Variants in RNF43 observed in about 807,000 individuals in gnomAD.
The protein encoded by RNF43 is ring finger protein 43, also known as E3 ubiquitin-protein ligase RNF43.
In RNF43, 37 loss-of-function variants were observed where a neutral mutation model predicts 78.4. That is an observed-to-expected ratio of 0.47 (90% confidence interval 0.36 to 0.62). The LOEUF (loss-of-function observed/expected upper bound fraction) is 0.62, where lower values mean the gene tolerates loss of function less well. Among genes scored for constraint, RNF43 ranks in the 20% least tolerant of loss-of-function variants. The pLI is 0.00. For missense variants in RNF43, 774 were observed against 1,007.9 expected (o/e 0.77, Z 3.14); for synonymous variants, 347 against 395.0 (o/e 0.88, Z 1.44).
At position 58,360,565 on chromosome 17, in the gene RNF43, G is replaced by A. The variant is rs1288012441; in HGVS notation, c.849+218C>T. Among the ~76,000 whole-genome samples, 1 of 152,212 alleles carries A rather than the reference G, an allele frequency of 6.6e-6. No homozygotes were observed. Among genetic ancestry groups the A allele is most frequent in the Non-Finnish European group, 1.5e-5 (1 of 68,036 alleles). ...TGCATCCAAAGCACCACTGCAGCCT[G>A]GCACGTGGTACACTCTCAACAAACA... On this transcript the variant is annotated intron_variant, in intron 7 of 9. Coordinates refer to ENST00000407977, the MANE Select transcript of RNF43 (RefSeq NM_017763.6). This position sits in a 1 kb window ranked among gnomAD's most constrained non-coding sequence, Gnocchi z 4.3.
chr17:58,389,853 C>A (rs1444633410), intron 2 of RNF43, among the ~76,000 whole-genome samples: 3 of 152,176 alleles, frequency 2.0e-5, no homozygotes, highest in African/African-American at 7.2e-5. Flanking sequence ...GAACAAACAA[C>A]AATGCTGGAC....
intron 3 of RNF43, among the ~76,000 whole-genome samples, chr17:58,370,582 T>C (rs1305298220): frequency 6.6e-6 from 1 of 152,162 alleles, no homozygotes; most frequent in East Asian, 1.9e-4. Flanking sequence ...TCAGTGTATG[T>C]TTCTAAAAGA....
chr17:58,356,868 G>T (rs1225606897), intron 9 of RNF43: 1 of 309,210 alleles, frequency 3.2e-6, no homozygotes, highest in East Asian at 6.9e-5. Flanking sequence ...ACTACCCCGG[G>T]GACCATTCCA....
chr17:58,370,977 G>C lies in RNF43; in HGVS notation c.309C>G (p.Phe103Leu), dbSNP rs2143515246. Residue 103 changes from phenylalanine to leucine, a missense_variant, in exon 3 of 10, where the codon TTC (phenylalanine) becomes TTG (leucine). Phe to Leu is a conservative substitution (Grantham distance 22). Transcript: ENST00000407977. ...GACTCTCCAGCTTGACGATGCTGAT[G>C]AATCCAGGCTCCAGATTGTCGTCAT... is the stretch of plus-strand genomic sequence containing the variant. ...ASDDDNLEPG[F>L]ISIVKLESPR... 6.2e-7 allele frequency: 1 copy of C among 1,611,952 alleles called. No individual in the cohort carries two copies. The highest frequency in any genetic ancestry group is 8.5e-7 in the Non-Finnish European group (1 of 1,178,754).
At chr17:58,371,623 C>T (rs1973099299) in intron 2 of RNF43, among the ~76,000 whole-genome samples, 2 of 152,240 alleles carry the variant, frequency 1.3e-5, no homozygotes, top group Admixed American at 1.3e-4. Flanking sequence ...TGCCTCTGCC[C>T]TGTACCCATC....
At chr17:58,378,229 G>A (rs895138824) in intron 2 of RNF43, among the ~76,000 whole-genome samples, 1 of 152,146 alleles carries the variant, frequency 6.6e-6, no homozygotes, top group African/African-American at 2.4e-5. Flanking sequence ...GGGAATTGTC[G>A]AGAGGAGTTT....
At chr17:58,386,431 C>G (rs1973436594) in intron 2 of RNF43, among the ~76,000 whole-genome samples, 1 of 152,034 alleles carries the variant, frequency 6.6e-6, no homozygotes. Context: ...TGTAAAAAAA[C>G]AAAACAAAAC....
At position 58,401,199 on chromosome 17, in the gene RNF43, T is replaced by A. The variant is rs1973792221; in HGVS notation, c.252+14127A>T. ...CAAATGATTCATGCTTATTAATAGA[T>A]CCTCATGAAAGTCTTGAAAACCAGG... On this transcript the variant is annotated intron_variant, in intron 2 of 9. Transcript: ENST00000407977. Among the ~76,000 whole-genome samples, 3 of 152,192 alleles carry A rather than the reference T, an allele frequency of 2.0e-5. No individual in the cohort carries two copies. In the South Asian group the frequency reaches 6.2e-4, roughly 32 times the overall value.
intron 2 of RNF43, among the ~76,000 whole-genome samples, chr17:58,396,594 C>T (rs912317877): frequency 1.3e-5 from 2 of 152,106 alleles, no homozygotes; most frequent in African/African-American, 2.4e-5. Context: ...TCTCAACAGG[C>T]AAAATTTCAA....
intron 2 of RNF43, among the ~76,000 whole-genome samples, chr17:58,400,999 T>C (rs948013174): frequency 7.9e-5 from 12 of 152,112 alleles, no homozygotes; most frequent in Non-Finnish European, 1.3e-4. Flanking sequence ...TAGGGTAACC[T>C]ACATTTCTGG....
Position 58,357,872 on chromosome 17 carries a change from C to G in RNF43, c.1904G>C (p.Ser635Thr), listed in dbSNP as rs1972726053. The stretch of plus-strand genomic sequence containing the variant: ...TTGCAAGTTGAACAGACTGCTGGTA[C>G]TGGGGCAGATGCTGGAGGCGTCAAC... ...GPVDASSICP[S>T]TSSLFNLQKS... Residue 635 changes from serine to threonine, a missense_variant, in exon 9 of 10, where the codon AGT becomes ACT. Transcript: ENST00000407977. This position sits in a 1 kb window ranked among gnomAD's most constrained non-coding sequence, Gnocchi z 4.5. The G allele has an allele frequency of 6.2e-7, 1 of 1,613,926 alleles. No individual in the cohort carries two copies. The highest frequency in any genetic ancestry group is 8.5e-7 in the Non-Finnish European group (1 of 1,179,964).
rs181116016 is a variant in RNF43, at chr17:58,359,755, C to T, written c.952+394G>A. 5.2e-3 allele frequency among the ~76,000 whole-genome samples: 792 copies of T among 151,386 alleles called. 7 individuals are homozygous for T. Among genetic ancestry groups the T allele is most frequent in the African/African-American group, 0.018 (759 of 41,262 alleles). On this transcript the variant is annotated intron_variant, in intron 8 of 9. Transcript: ENST00000407977. ...CAGCCTGACCAACATGGAGAAACCC[C>T]GTCTCTACTAAAAATACAAAATTAG...
At chr17:58,396,542 C>T (rs889067609) in intron 2 of RNF43, among the ~76,000 whole-genome samples, 2 of 151,990 alleles carry the variant, frequency 1.3e-5, no homozygotes, top group African/African-American at 2.4e-5. Flanking sequence ...AAAAACAGAG[C>T]GGGTACTGTC....
chr17:58,360,665 A>T lies in RNF43; in HGVS notation c.849+118T>A. ...GTCCCTGATCTCTGCCTCATGCAGGACACATGGGAAACAGATGTAGCCAGG... is the reference window on the plus strand; with the variant it reads ...GTCCCTGATCTCTGCCTCATGCAGGTCACATGGGAAACAGATGTAGCCAGG... On this transcript the variant is annotated intron_variant, in intron 7 of 9. Transcript: ENST00000407977. The surrounding 1 kb of genome is among the most constrained non-coding windows in gnomAD (Gnocchi z 4.3). 9.0e-7 allele frequency: 1 copy of T among 1,105,254 alleles called. No individual in the cohort carries two copies. The highest frequency in any genetic ancestry group is 1.3e-6 in the Non-Finnish European group (1 of 783,882). 68.5% of individuals were successfully genotyped at this position (1,105,254 alleles called of 1,614,324 possible). A position where few individuals can be genotyped will look rare whatever the true frequency, so the allele number is the denominator to read the frequency against.
In RNF43 at chr17:58,360,071, T is replaced by A; in HGVS notation, c.952+78A>T. 1 of 1,100,842 alleles carries A rather than the reference T, an allele frequency of 9.1e-7. No individual in the cohort carries two copies. The highest frequency in any genetic ancestry group is 1.4e-6 in the Non-Finnish European group (1 of 719,300). 68.2% of individuals were successfully genotyped at this position (1,100,842 alleles called of 1,614,324 possible). ...TCTGCTTTCTCCCCAGCTTCAAGGC[T>A]GCAACCCTTTCCCAAAGGGAAGCCA... On this transcript the variant is annotated intron_variant, in intron 8 of 9. Transcript: ENST00000407977. The surrounding 1 kb of genome is among the most constrained non-coding windows in gnomAD (Gnocchi z 4.3).
At position 58,381,855 on chromosome 17, in the gene RNF43, ATTAT is replaced by A. The variant is rs569042989; in HGVS notation, c.253-10826_253-10823del. Among the ~76,000 whole-genome samples the A allele has an allele frequency of 2.0e-4, 31 of 152,270 alleles. No individual in the cohort carries two copies. The South Asian group carries it at 6.4e-3, about 32-fold the overall frequency. On this transcript the variant is annotated intron_variant, in intron 2 of 9. Coordinates refer to ENST00000407977, the MANE Select transcript of RNF43 (RefSeq NM_017763.6). The stretch of plus-strand genomic sequence containing the variant: ...GGAAAATAGCTTGGTTCTCTGCCAA[ATTAT>A]TTTTCCTTTCTCTTCCCATGGACGT...
chr17:58,361,095 G>T, intron 6 of RNF43, 151 bp from the exon 7 acceptor site: 1 of 745,154 alleles, frequency 1.3e-6, no homozygotes, highest in Non-Finnish European at 2.0e-6. Flanking sequence ...CTCATATGTG[G>T]CTCTGCCAAG....
intron 2 of RNF43, among the ~76,000 whole-genome samples, chr17:58,379,745 AT>A (rs1403098153): frequency 6.6e-6 from 1 of 152,224 alleles, no homozygotes; most frequent in Non-Finnish European, 1.5e-5. Context: ...ACAAGAGCTA[AT>A]TATCTGAGCT....
Position 58,360,313 on chromosome 17 carries a change from A to G in RNF43, c.850-62T>C. On this transcript the variant is annotated intron_variant, in intron 7 of 9. Transcript: ENST00000407977. This position sits in a 1 kb window ranked among gnomAD's most constrained non-coding sequence, Gnocchi z 4.3. Reference sequence around the variant, plus strand: ...GTAGCCATAGGAATTGCCAGGAATCAGGACATCCCCCAACTCCCTTAGGCC... The same window carrying G: ...GTAGCCATAGGAATTGCCAGGAATCGGGACATCCCCCAACTCCCTTAGGCC... The G allele has an allele frequency of 2.4e-6, 3 of 1,275,312 alleles. 1 individual carries two copies. The South Asian group carries it at 3.6e-5, about 15-fold the overall frequency. The allele number at this position is 1,275,312 out of a possible 1,614,324, so 79.0% of individuals were successfully genotyped here.
Sources: allele counts gnomAD v4.1 joint callset (sites outside exome capture counted in the v4.1 genomes callset), GRCh38; gene constraint gnomAD v4.1.1; non-coding constraint Gnocchi (gnomAD v3.1); transcripts MANE v1.5; gene names NCBI Gene and HGNC (gene_info 2026-07-23, HGNC 2026-07-21).